SYT9: variants seen among roughly 807,000 people sequenced by gnomAD.
SYT9 encodes synaptotagmin 9, also known as synaptotagmin-9.
In SYT9, 22 loss-of-function variants were observed where a neutral mutation model predicts 48.4. The ratio of observed to expected loss-of-function variants is 0.45; its 90% CI spans 0.32 to 0.65. SYT9 has a LOEUF of 0.65. SYT9 is among the 30% of genes least tolerant of loss of function. The pLI is 0.03. For missense variants in SYT9, 577 were observed against 622.0 expected (o/e 0.93, Z 0.77); for synonymous variants, 265 against 245.0 (o/e 1.08, Z -0.76).
upstream of SYT9, among the ~76,000 whole-genome samples, chr11:7,247,950 T>C (rs994592809): frequency 2.0e-5 from 3 of 152,170 alleles, no homozygotes; most frequent in African/African-American, 7.2e-5. Context: ...ATCAGCAATG[T>C]AGAATTGTTC....
At chr11:7,395,108 A>G (rs993810975) in intron 3 of SYT9, among the ~76,000 whole-genome samples, 3 of 151,872 alleles carry the variant, frequency 2.0e-5, no homozygotes, top group Admixed American at 2.0e-4. Context: ...ATTTTGGTGT[A>G]CCCATCACCC....
chr11:7,432,582 AATATATATACATATATATAT>A (rs1847620082), intron 6 of SYT9, among the ~76,000 whole-genome samples: 16 of 3,508 alleles, frequency 4.6e-3, no homozygotes, highest in East Asian at 9.8e-3. Context: ...AAAAAAAAAA[AATATATATACATATATATAT>A]ATATATATAT....
intron 1 of SYT9, among the ~76,000 whole-genome samples, chr11:7,264,425 G>A (rs560493493): frequency 6.6e-6 from 1 of 152,200 alleles, no homozygotes; most frequent in East Asian, 1.9e-4. Context: ...CCGGGGTTGT[G>A]TGTATGAGAA....
At chr11:7,265,147 A>C (rs529794401) in intron 1 of SYT9, among the ~76,000 whole-genome samples, 190 of 152,156 alleles carry the variant, frequency 1.2e-3, no homozygotes, top group Middle Eastern at 3.4e-3. Flanking sequence ...TTTTTTTTGC[A>C]TATGTGCCTG....
chr11:7,347,786 G>C (rs542443786), intron 3 of SYT9, among the ~76,000 whole-genome samples: 1 of 152,208 alleles, frequency 6.6e-6, no homozygotes, highest in Non-Finnish European at 1.5e-5. Context: ...CAAGAACTGA[G>C]TGAGGACAGA....
At chr11:7,312,468 C>T (rs1290138648) in intron 2 of SYT9, among the ~76,000 whole-genome samples, 3 of 152,122 alleles carry the variant, frequency 2.0e-5, no homozygotes, top group African/African-American at 7.2e-5. Flanking sequence ...CTAAAAACAA[C>T]AAAAGTAACC....
intron 6 of SYT9, among the ~76,000 whole-genome samples, chr11:7,426,111 T>C (rs1032532425): frequency 2.6e-5 from 4 of 152,148 alleles, no homozygotes; most frequent in Non-Finnish European, 5.9e-5. Context: ...GGGATAATTA[T>C]TTTCTCCTCT....
chr11:7,239,021 G>T (rs1478591962), intron 1 of SYT9: 8 of 442,788 alleles, frequency 1.8e-5, no homozygotes, highest in Non-Finnish European at 3.6e-5. Context: ...GGAGCTGTCT[G>T]CTGACAGAAC....
chr11:7,285,952 G>T (rs2133910369), intron 1 of SYT9, among the ~76,000 whole-genome samples: 1 of 152,220 alleles, frequency 6.6e-6, no homozygotes, highest in South Asian at 2.1e-4. Flanking sequence ...CTGTGGCTTT[G>T]CAGGGGACAG....
At chr11:7,433,656 G>A (rs1258807446) in intron 6 of SYT9, among the ~76,000 whole-genome samples, 1 of 152,162 alleles carries the variant, frequency 6.6e-6, no homozygotes, top group Non-Finnish European at 1.5e-5. Flanking sequence ...AATGGGATTA[G>A]TGCCCTTATA....
intron 6 of SYT9, among the ~76,000 whole-genome samples, chr11:7,429,072 G>T (rs1259185158): frequency 1.3e-5 from 2 of 152,176 alleles, no homozygotes; most frequent in African/African-American, 2.4e-5. Context: ...AAAAGATCCT[G>T]CCCAGTCCTG....
At chr11:7,358,528 C>G (rs535659304) in intron 3 of SYT9, among the ~76,000 whole-genome samples, 1 of 152,130 alleles carries the variant, frequency 6.6e-6, no homozygotes, top group South Asian at 2.1e-4. Flanking sequence ...TTGTCTTGTT[C>G]TTAAAGGGAT....
At chr11:7,270,944 G>A (rs756527669) in intron 1 of SYT9, among the ~76,000 whole-genome samples, 1 of 151,990 alleles carries the variant, frequency 6.6e-6, no homozygotes, top group African/African-American at 2.4e-5. Flanking sequence ...AAATGTAAAA[G>A]TGAGAAAGAC....
chr11:7,268,448 A>T (rs554612478), intron 1 of SYT9, among the ~76,000 whole-genome samples: 22 of 152,090 alleles, frequency 1.4e-4, no homozygotes, highest in Admixed American at 2.6e-4. Context: ...AGACAATAGT[A>T]AAAAAATCTT....
chr11:7,388,440 G>T (rs1850702282), intron 3 of SYT9, among the ~76,000 whole-genome samples: 1 of 151,804 alleles, frequency 6.6e-6, no homozygotes, highest in Non-Finnish European at 1.5e-5. Context: ...CCTTTCAAAA[G>T]CTAACTTTTG....
chr11:7,468,300 G>C lies in SYT9; in HGVS notation c.*1500G>C, dbSNP rs556175956. The C allele has an allele frequency of 3.5e-5, 14 of 398,636 alleles. No individual in the cohort carries two copies. The highest frequency in any genetic ancestry group is 2.7e-4 in the African/African-American group (13 of 48,752). 24.7% of individuals were successfully genotyped at this position (398,636 alleles called of 1,614,324 possible). On this transcript the variant is annotated 3_prime_UTR_variant, in exon 7 of 7. Coordinates refer to ENST00000318881, the MANE Select transcript of SYT9 (RefSeq NM_175733.4). ...AAGTTCTCATTGCCCCAGCTGCCTA[G>C]TACTATACAAGAAGCTCTACTTTGA... is the stretch of plus-strand genomic sequence containing the variant.
chr11:7,261,951 A>G (rs1262857450), intron 1 of SYT9, among the ~76,000 whole-genome samples: 2 of 152,166 alleles, frequency 1.3e-5, no homozygotes, highest in African/African-American at 4.8e-5. Flanking sequence ...CAGAAGAGAG[A>G]TAACATCTGA....
At chr11:7,321,447 T>A (rs933125027) in intron 3 of SYT9, among the ~76,000 whole-genome samples, 1 of 152,194 alleles carries the variant, frequency 6.6e-6, no homozygotes, top group South Asian at 2.1e-4. Context: ...GCAGGCAGGC[T>A]CTGTGATTGA....
chr11:7,252,113 G>T lies in SYT9; in HGVS notation c.-74G>T, dbSNP rs1038397470. On this transcript the variant is annotated 5_prime_UTR_variant, in exon 1 of 7. Coordinates refer to ENST00000318881, the MANE Select transcript of SYT9 (RefSeq NM_175733.4). This position sits in a 1 kb window ranked among gnomAD's most constrained non-coding sequence, Gnocchi z 6.3. ...TGAGCGCGGACGGCCCGGAGGCGGC[G>T]GCTCTGAGCTGGCAGGCGGAGGGCT... is the stretch of plus-strand genomic sequence containing the variant. 1 of 1,319,944 alleles carries T rather than the reference G, an allele frequency of 7.6e-7. No individual in the cohort carries two copies. The highest frequency in any genetic ancestry group is 1.5e-5 in the African/African-American group (1 of 64,808). The allele number at this position is 1,319,944 out of a possible 1,614,324, so 81.8% of individuals were successfully genotyped here. A position where few individuals can be genotyped will look rare whatever the true frequency, so the allele number is the denominator to read the frequency against.
Sources: allele counts gnomAD v4.1 joint callset (sites outside exome capture counted in the v4.1 genomes callset), GRCh38; gene constraint gnomAD v4.1.1; non-coding constraint Gnocchi (gnomAD v3.1); transcripts MANE v1.5; gene names NCBI Gene and HGNC (gene_info 2026-07-23, HGNC 2026-07-21).